CPEB3: variants seen among roughly 807,000 people sequenced by gnomAD.
CPEB3 encodes cytoplasmic polyadenylation element binding protein 3, also known as cytoplasmic polyadenylation element-binding protein 3.
In CPEB3, 20 loss-of-function variants were observed where a neutral mutation model predicts 67.2. The observed-to-expected ratio is 0.30, with a 90% CI of 0.21 to 0.43. The LOEUF (loss-of-function observed/expected upper bound fraction) is 0.43. Ranked by LOEUF, CPEB3 falls within the 20% of genes least tolerant of loss-of-function variation. The pLI is 1.00. For synonymous variants in CPEB3, 376 were observed against 393.1 expected, an observed-to-expected ratio of 0.96 and a Z score of 0.51; for missense variants, 746 against 968.6, an observed-to-expected ratio of 0.77 and a Z score of 3.05.
intron 4 of CPEB3, among the ~76,000 whole-genome samples, chr10:92,158,531 T>A (rs926126424): frequency 6.6e-6 from 1 of 152,138 alleles, no homozygotes; most frequent in Non-Finnish European, 1.5e-5. Flanking sequence ...ACACACACAC[T>A]CTCTCTCTTC....
chr10:92,187,131 T>C (rs558673310), intron 3 of CPEB3, among the ~76,000 whole-genome samples: 1 of 152,310 alleles, frequency 6.6e-6, no homozygotes, highest in Non-Finnish European at 1.5e-5. Flanking sequence ...TCTACAATAC[T>C]AAATTTAAAT....
intron 6 of CPEB3, among the ~76,000 whole-genome samples, chr10:92,120,890 G>A (rs1409478987): frequency 6.6e-6 from 1 of 151,790 alleles, no homozygotes; most frequent in Non-Finnish European, 1.5e-5. Flanking sequence ...TAGTAGAGAC[G>A]GGGTTTTGCC....
In CPEB3 at chr10:92,049,363, G is replaced by A. The variant is rs1323046026; in HGVS notation, c.*2849C>T. 2 of 152,338 alleles carry A rather than the reference G, an allele frequency of 1.3e-5. No homozygotes were observed. The highest frequency in any genetic ancestry group is 2.9e-5 in the Non-Finnish European group (2 of 68,006). The allele number at this position is 152,338 out of a possible 1,614,324, so 9.4% of individuals were successfully genotyped here. A position where few individuals can be genotyped will look rare whatever the true frequency, so the allele number is the denominator to read the frequency against. On this transcript the variant is annotated 3_prime_UTR_variant, in exon 10 of 10. Transcript: ENST00000265997. ...CCACAGCAGGACCTGTGTTACCCAG[G>A]GGCTTCCCAGTCAAGTTGCAGGTCA...
chr10:92,259,417 C>G (rs1481943101), intron 1 of CPEB3, among the ~76,000 whole-genome samples: 1 of 151,876 alleles, frequency 6.6e-6, no homozygotes, highest in Non-Finnish European at 1.5e-5. Flanking sequence ...GCCTGACCAA[C>G]ATGGAGAAAT....
chr10:92,133,708 A>G (rs1426945307), intron 6 of CPEB3, among the ~76,000 whole-genome samples: 1 of 152,176 alleles, frequency 6.6e-6, no homozygotes, highest in African/African-American at 2.4e-5. Context: ...CAGAGACACA[A>G]CAAAAAAAGA....
chr10:92,064,805 G>T (rs548852554), intron 9 of CPEB3, among the ~76,000 whole-genome samples: 2 of 152,114 alleles, frequency 1.3e-5, no homozygotes, highest in Non-Finnish European at 2.9e-5. Context: ...ACCAACTAGA[G>T]GCTGTCCCGT....
At chr10:92,181,095 T>C in intron 3 of CPEB3, 76 bp from the exon 4 acceptor site, 1 of 779,748 alleles carries the variant, frequency 1.3e-6, no homozygotes, top group Non-Finnish European at 2.1e-6. Flanking sequence ...ATATAAACAT[T>C]ACAAAAATCT....
At chr10:92,207,104 T>C (rs1430826944) in intron 2 of CPEB3, among the ~76,000 whole-genome samples, 3 of 152,242 alleles carry the variant, frequency 2.0e-5, no homozygotes, top group African/African-American at 4.8e-5. Flanking sequence ...TACCTCAGCC[T>C]CCTGAGTAGC....
chr10:92,053,202 G>C (rs942762451), intron 9 of CPEB3, among the ~76,000 whole-genome samples: 1 of 152,154 alleles, frequency 6.6e-6, no homozygotes, highest in African/African-American at 2.4e-5. Flanking sequence ...AACTTCAATA[G>C]ACGACAACTT....
At chr10:92,120,900 C>T (rs1019491716) in intron 6 of CPEB3, among the ~76,000 whole-genome samples, 1 of 151,942 alleles carries the variant, frequency 6.6e-6, no homozygotes, top group Non-Finnish European at 1.5e-5. Flanking sequence ...GGGGTTTTGC[C>T]ATGTTGGCCA....
chr10:92,193,110 G>T, intron 2 of CPEB3, among the ~76,000 whole-genome samples: 1 of 152,080 alleles, frequency 6.6e-6, no homozygotes, highest in Non-Finnish European at 1.5e-5. Context: ...TACTTGGGAG[G>T]CTGAGGCAGG....
At chr10:92,131,657 A>C (rs1035440627) in intron 6 of CPEB3, among the ~76,000 whole-genome samples, 26 of 152,292 alleles carry the variant, frequency 1.7e-4, no homozygotes, top group South Asian at 4.1e-4. Context: ...AGAGGGAAAC[A>C]TGTAATAACT....
At chr10:92,205,277 A>G (rs894415989) in intron 2 of CPEB3, among the ~76,000 whole-genome samples, 1 of 152,206 alleles carries the variant, frequency 6.6e-6, no homozygotes, top group Non-Finnish European at 1.5e-5. Context: ...GGATGTGTAT[A>G]CTGTTTTTCA....
intron 4 of CPEB3, among the ~76,000 whole-genome samples, chr10:92,148,902 CT>C (rs35237832): frequency 0.29 from 37,525 of 130,586 alleles, 3,175 homozygotes; most frequent in African/African-American, 0.38. Context: ...CTAATACTGG[CT>C]TTTTTTTTTT....
intron 6 of CPEB3, among the ~76,000 whole-genome samples, chr10:92,136,575 T>C (rs748874012): frequency 2.0e-5 from 3 of 152,162 alleles, no homozygotes; most frequent in Non-Finnish European, 2.9e-5. Context: ...TTCTTTTTTT[T>C]TCTAAGGCGG....
At chr10:92,143,602 T>C (rs1269197102) in intron 5 of CPEB3, among the ~76,000 whole-genome samples, 1 of 152,110 alleles carries the variant, frequency 6.6e-6, no homozygotes, top group Non-Finnish European at 1.5e-5. Context: ...GATAAGAAAA[T>C]GTTGATGGCC....
At chr10:92,067,804 G>A (rs1324954441) in intron 9 of CPEB3, among the ~76,000 whole-genome samples, 1 of 152,102 alleles carries the variant, frequency 6.6e-6, no homozygotes, top group African/African-American at 2.4e-5. Flanking sequence ...GGCAACAAGA[G>A]CAAAACTCCA....
At chr10:92,187,466 T>C (rs1016540392) in intron 3 of CPEB3, among the ~76,000 whole-genome samples, 6 of 152,208 alleles carry the variant, frequency 3.9e-5, no homozygotes, top group African/African-American at 9.6e-5. Context: ...GGAAATTGCA[T>C]GGGATGAAGA....
chr10:92,169,828 G>A (rs976133495), intron 4 of CPEB3, among the ~76,000 whole-genome samples: 3 of 151,914 alleles, frequency 2.0e-5, no homozygotes, highest in Admixed American at 1.3e-4. Flanking sequence ...AATATTCTTC[G>A]TAAGAAATCA....
Sources: allele counts gnomAD v4.1 joint callset (sites outside exome capture counted in the v4.1 genomes callset), GRCh38; gene constraint gnomAD v4.1.1; transcripts MANE v1.5; gene names NCBI Gene and HGNC (gene_info 2026-07-23, HGNC 2026-07-21).